Variants in DUSP19 observed in about 807,000 individuals in gnomAD.
The protein encoded by DUSP19 is dual specificity protein phosphatase 19.
In DUSP19, 14 loss-of-function variants were observed where a neutral mutation model predicts 16.6. The ratio of observed to expected loss-of-function variants is 0.84; its 90% CI spans 0.56 to 1.32. The LOEUF is 1.32. Among genes scored for constraint, DUSP19 ranks in the 40% most tolerant of loss-of-function variants. The pLI is 0.00. For synonymous variants in DUSP19, 81 were observed against 90.5 expected (o/e 0.90, Z 0.59); for missense variants, 258 against 255.9 (o/e 1.01, Z -0.06).
chr2:183,099,798 A>C lies in DUSP19; in HGVS notation c.*4140A>C, dbSNP rs1198457782. On this transcript the variant is annotated 3_prime_UTR_variant, in exon 4 of 4. Transcript: ENST00000354221. ...ATGGATCACTTGAGGCCAGGAGTTC[A>C]AGACCAGCCTGGCCAACATGGCAAA... 1 of 152,094 alleles carries C rather than the reference A, an allele frequency of 6.6e-6. No individual in the cohort carries two copies. Among genetic ancestry groups the C allele is most frequent in the African/African-American group, 2.4e-5 (1 of 41,410 alleles). The allele number at this position is 152,094 out of a possible 1,614,324, so 9.4% of individuals were successfully genotyped here. A position where few individuals can be genotyped will look rare whatever the true frequency, so the allele number is the denominator to read the frequency against.
In DUSP19 at chr2:183,098,695, C is replaced by T. The variant is rs1207630368; in HGVS notation, c.*3037C>T. 1 of 152,126 alleles carries T rather than the reference C, an allele frequency of 6.6e-6. No homozygotes were observed. Among genetic ancestry groups the T allele is most frequent in the African/African-American group, 2.4e-5 (1 of 41,428 alleles). 9.4% of individuals were successfully genotyped at this position (152,126 alleles called of 1,614,324 possible). On this transcript the variant is annotated 3_prime_UTR_variant, in exon 4 of 4. Coordinates refer to ENST00000354221, the MANE Select transcript of DUSP19 (RefSeq NM_080876.4). ...AAAGAAATATGGAGGCTTTAAACCGCAAACTGAAAAAGCTGAGTAGAACAA... is the reference window on the plus strand; with the variant it reads ...AAAGAAATATGGAGGCTTTAAACCGTAAACTGAAAAAGCTGAGTAGAACAA...
intron 1 of DUSP19, among the ~76,000 whole-genome samples, chr2:183,082,173 A>G (rs1248443371): frequency 1.3e-5 from 2 of 152,192 alleles, no homozygotes; most frequent in African/African-American, 2.4e-5. Context: ...GCACAAAGTC[A>G]TCTTGTGGGT....
intron 3 of DUSP19, among the ~76,000 whole-genome samples, chr2:183,093,972 G>A (rs1444968232): frequency 6.6e-6 from 1 of 152,020 alleles, no homozygotes; most frequent in Non-Finnish European, 1.5e-5. Flanking sequence ...GTAAAAATGG[G>A]CTATTGCTAC....
intron 1 of DUSP19, among the ~76,000 whole-genome samples, chr2:183,083,078 A>AT (rs150305813): frequency 2.0e-5 from 3 of 151,486 alleles, no homozygotes; most frequent in Admixed American, 6.6e-5. Context: ...ATTAAAAAAA[A>AT]TTTTTTTTCT....
intron 3 of DUSP19, among the ~76,000 whole-genome samples, chr2:183,088,509 G>A (rs888119964): frequency 1.4e-5 from 2 of 145,138 alleles, no homozygotes; most frequent in African/African-American, 5.1e-5. Flanking sequence ...TGCAACCTCC[G>A]CCTCTCGGGT....
chr2:183,083,639 G>C lies in DUSP19; in HGVS notation c.273+85G>C, dbSNP rs569605006. 336 of 1,156,576 alleles carry C rather than the reference G, an allele frequency of 2.9e-4. 1 individual carries two copies. The highest frequency in any genetic ancestry group is 3.9e-4 in the Non-Finnish European group (314 of 812,880). The allele number at this position is 1,156,576 out of a possible 1,614,324, so 71.6% of individuals were successfully genotyped here. ...GGAAAAACTGTATTGGTCCATCTTT[G>C]GTATATTATGGAGTTTATTTGGTAA... On this transcript the variant is annotated intron_variant, in intron 2 of 3. Transcript: ENST00000354221.
intron 2 of DUSP19, 152 bp downstream of exon 2, chr2:183,083,706 A>ATATGAGTAAGG (rs1699624224): frequency 1.7e-6 from 1 of 575,108 alleles, no homozygotes; most frequent in Non-Finnish European, 2.9e-6. Context: ...AATAATTGGC[A>ATATGAGTAAGG]CATAATTCAA....
At chr2:183,095,211 G>T (rs1035559391) in intron 3 of DUSP19, among the ~76,000 whole-genome samples, 1 of 152,130 alleles carries the variant, frequency 6.6e-6, no homozygotes, top group Non-Finnish European at 1.5e-5. Context: ...TCAATCATGG[G>T]TTAGTAGGTA....
chr2:183,094,192 T>C (rs1218400147), intron 3 of DUSP19, among the ~76,000 whole-genome samples: 1 of 152,220 alleles, frequency 6.6e-6, no homozygotes, highest in Non-Finnish European at 1.5e-5. Flanking sequence ...TTATTAATCA[T>C]TTGGCTTTCT....
In DUSP19 at chr2:183,085,587, G is replaced by GA. The variant is rs1043736619; in HGVS notation, c.274-1442dup. On this transcript the variant is annotated intron_variant, in intron 2 of 3. Coordinates refer to ENST00000354221, the MANE Select transcript of DUSP19 (RefSeq NM_080876.4). ...AGAAGTGAGGAAGTGATGGCAAAGG[G>GA]AAAAAAAAAAAGAGAGAGAGGAGCC... Among the ~76,000 whole-genome samples, 67 of 143,798 alleles carry GA rather than the reference G, an allele frequency of 4.7e-4. 1 individual carries two copies. Among genetic ancestry groups the GA allele is most frequent in the African/African-American group, 9.4e-4 (37 of 39,404 alleles). 94.3% of individuals were successfully genotyped at this position (143,798 alleles called of 152,430 possible).
In DUSP19 at chr2:183,087,137, A is replaced by T; in HGVS notation, c.371A>T (p.Asn124Ile). Residue 124 changes from asparagine (N) to isoleucine (I), a missense_variant, in exon 3 of 4, where the codon AAC becomes ATC. Transcript: ENST00000354221. ...TCTATATTGGATCTGCCTGAAACCA[A>T]CATCCTGTCTTATTTTCCAGAATGT... The part of the protein sequence containing the change: ...SISILDLPET[N>I]ILSYFPECFE... The T allele has an allele frequency of 6.2e-7, 1 of 1,613,462 alleles. No homozygotes were observed. The highest frequency in any genetic ancestry group is 8.5e-7 in the Non-Finnish European group (1 of 1,179,898).
chr2:183,082,642 T>C (rs921350789), intron 1 of DUSP19, among the ~76,000 whole-genome samples: 3 of 152,066 alleles, frequency 2.0e-5, no homozygotes, highest in Non-Finnish European at 2.9e-5. Flanking sequence ...CAGGCTTGTC[T>C]CAAACTCCTG....
chr2:183,093,016 A>C (rs1699752696), intron 3 of DUSP19, among the ~76,000 whole-genome samples: 1 of 152,078 alleles, frequency 6.6e-6, no homozygotes, highest in African/African-American at 2.4e-5. Context: ...CGAAGTTTTA[A>C]TGGAAGTTAA....
intron 3 of DUSP19, among the ~76,000 whole-genome samples, chr2:183,094,023 G>A (rs1419592373): frequency 6.6e-6 from 1 of 152,066 alleles, no homozygotes; most frequent in African/African-American, 2.4e-5. Flanking sequence ...GAATATTTGT[G>A]TTTTGCTTTT....
In DUSP19 at chr2:183,078,900, T is replaced by C; in HGVS notation, c.-34T>C. 6.3e-7 allele frequency: 1 copy of C among 1,596,988 alleles called. No homozygotes were observed. The highest frequency in any genetic ancestry group is 8.6e-7 in the Non-Finnish European group (1 of 1,166,420). On this transcript the variant is annotated 5_prime_UTR_variant, in exon 1 of 4. Transcript: ENST00000354221. ...CAGCCGTTTTCTATGCCTGCTGGAT[T>C]TGTTTGTATTTGTTCCCAGCCACTG...
intron 1 of DUSP19, among the ~76,000 whole-genome samples, chr2:183,080,608 A>G (rs1699580796): frequency 6.6e-6 from 1 of 152,250 alleles, no homozygotes; most frequent in South Asian, 2.1e-4. Context: ...TAATTATGGT[A>G]GAATTTTCAT....
intron 1 of DUSP19, 58 bp downstream of exon 1, chr2:183,079,217 AT>A: frequency 6.7e-7 from 1 of 1,495,766 alleles, no homozygotes; most frequent in Non-Finnish European, 9.2e-7. Context: ...TTACGTTCTC[AT>A]TTTCCCCCTT....
chr2:183,089,893 C>G (rs1240348879), intron 3 of DUSP19, among the ~76,000 whole-genome samples: 1 of 152,198 alleles, frequency 6.6e-6, no homozygotes, highest in Non-Finnish European at 1.5e-5. Context: ...CCTGCTTCAG[C>G]CTTCCTAGTA....
At chr2:183,084,000 A>G (rs1302442153) in intron 2 of DUSP19, among the ~76,000 whole-genome samples, 1 of 152,012 alleles carries the variant, frequency 6.6e-6, no homozygotes, top group Non-Finnish European at 1.5e-5. Flanking sequence ...GCCCTCTACC[A>G]TTTTTTTGAG....
Sources: gnomAD v4.1 joint callset for allele counts (sites outside exome capture counted in the v4.1 genomes callset) on GRCh38, gnomAD v4.1.1 for gene constraint, MANE v1.5 for transcripts, NCBI Gene and HGNC (gene_info 2026-07-23, HGNC 2026-07-21) for gene names.